The following MEGF10 variants were observed in gnomAD, a reference collection of about 807,000 sequenced individuals.
MEGF10 encodes the protein multiple epidermal growth factor-like domains protein 10.
In MEGF10, 86 loss-of-function variants were observed where a neutral mutation model predicts 147.5. The ratio of observed to expected loss-of-function variants is 0.58; its 90% CI spans 0.49 to 0.70. MEGF10 has a LOEUF of 0.70. MEGF10 is among the 30% of genes least tolerant of loss of function. The pLI is 0.00. For missense variants in MEGF10, 1,329 were observed against 1,487.3 expected, an observed-to-expected ratio of 0.89 and a Z score of 1.75; for synonymous variants, 478 against 525.5, an observed-to-expected ratio of 0.91 and a Z score of 1.24.
chr5:127,299,830 G>A (rs1759691476), intron 1 of MEGF10, among the ~76,000 whole-genome samples: 1 of 151,848 alleles, frequency 6.6e-6, no homozygotes, highest in Non-Finnish European at 1.5e-5. Flanking sequence ...ATGGGTTCTG[G>A]AGAGCCCATT....
Position 127,417,689 on chromosome 5 carries a change from CTACTG to C in MEGF10, c.1185_1189del (p.Tyr395Ter). ...CCTGCAAGCCGGGCTGGTCAGGACT[CTACTG>C]TAATGAGACATGTTCTCCTGGATTC... On this transcript the variant is annotated frameshift_variant, in exon 10 of 25. Transcript: ENST00000503335. LOFTEE classifies it high-confidence loss of function. 1.9e-6 allele frequency: 3 copies of C among 1,614,154 alleles called. No individual in the cohort carries two copies. The highest frequency in any genetic ancestry group is 2.5e-6 in the Non-Finnish European group (3 of 1,180,034).
At chr5:127,438,706 A>C in intron 17 of MEGF10, 139 bp downstream of exon 17, 1 of 823,064 alleles carries the variant, frequency 1.2e-6, no homozygotes, top group Non-Finnish European at 1.8e-6. Flanking sequence ...ACCTGTAGAC[A>C]TATAAATTTC....
chr5:127,437,056 C>G (rs12514969), intron 16 of MEGF10, among the ~76,000 whole-genome samples: 73,255 of 152,018 alleles, frequency 0.48, 20,028 homozygotes, highest in Middle Eastern at 0.66. Flanking sequence ...GGAGAAAAAC[C>G]TAATGGCAGT....
rs924354139 is a variant in MEGF10, at chr5:127,398,893, A to C, written c.780+97A>C. 6.6e-6 allele frequency: 10 copies of C among 1,521,954 alleles called. No individual in the cohort carries two copies. The Admixed American group carries it at 1.9e-4, about 28-fold the overall frequency. 94.3% of individuals were successfully genotyped at this position (1,521,954 alleles called of 1,614,324 possible). ...TGCAGGAGACTTTAGCACAAAGGAA[A>C]GTTACCATGATGGTTGAAGATTCCA... is the stretch of plus-strand genomic sequence containing the variant. On this transcript the variant is annotated intron_variant, in intron 7 of 24. Transcript: ENST00000503335.
the MEGF10 span, among the ~76,000 whole-genome samples, chr5:127,283,934 G>T: frequency 1.3e-5 from 2 of 152,166 alleles, no homozygotes; most frequent in African/African-American, 2.4e-5. Flanking sequence ...ATAAACGGAT[G>T]AATTTGGAAT....
intron 4 of MEGF10, among the ~76,000 whole-genome samples, chr5:127,350,024 G>A (rs1168594487): frequency 6.6e-6 from 1 of 152,106 alleles, no homozygotes; most frequent in East Asian, 1.9e-4. Flanking sequence ...TATAAGATGT[G>A]TGGTCCTTTA....
At chr5:127,244,823 C>T in the MEGF10 span, among the ~76,000 whole-genome samples, 1,197 of 151,960 alleles carry the variant, frequency 7.9e-3, 14 homozygotes, top group African/African-American at 0.027. Context: ...GTATGACTCA[C>T]GTATACTTTT....
At chr5:127,280,923 T>C in the MEGF10 span, among the ~76,000 whole-genome samples, 2 of 152,228 alleles carry the variant, frequency 1.3e-5, no homozygotes, top group African/African-American at 4.8e-5. Context: ...GCCTTGGGCA[T>C]GCGTCTGAGG....
At chr5:127,238,772 C>G in the MEGF10 span, among the ~76,000 whole-genome samples, 1 of 151,374 alleles carries the variant, frequency 6.6e-6, no homozygotes, top group Non-Finnish European at 1.5e-5. Flanking sequence ...TGAATACAAC[C>G]AATAAAGTTT....
chr5:127,396,653 C>T lies in MEGF10; in HGVS notation c.534C>T (p.Cys178=), dbSNP rs577473643. ...CTGCGGGCTTCCGGGGCTGGCGCTG[C>T]GAGGACCGCTGTGAGCAGGGCACCT... ...HCAAGFRGWR[C]EDRCEQGTYG... is the part of the protein sequence containing the mutation. The change falls in exon 6 of 25, where the codon TGC becomes TGT. Residue 178 remains cysteine, a synonymous_variant. Coordinates refer to ENST00000503335, the MANE Select transcript of MEGF10 (RefSeq NM_001256545.2). The T allele has an allele frequency of 3.7e-5, 59 of 1,614,062 alleles. 1 individual carries two copies. In the South Asian group the frequency reaches 5.7e-4, roughly 16 times the overall value.
rs368847636 is a variant in MEGF10, at chr5:127,440,736, C to T, written c.2234-3C>T. On this transcript the variant is annotated splice_polypyrimidine_tract_variant and splice_region_variant and intron_variant, in intron 17 of 24. Coordinates refer to ENST00000503335, the MANE Select transcript of MEGF10 (RefSeq NM_001256545.2). Reference sequence around the variant, plus strand: ...ACTCCTACTGTCCTCCCTCCTCCCACAGGATGTCCTCTAGGGTTTTATGGA... The same window carrying T: ...ACTCCTACTGTCCTCCCTCCTCCCATAGGATGTCCTCTAGGGTTTTATGGA... The T allele has an allele frequency of 3.7e-6, 6 of 1,613,690 alleles. No individual in the cohort carries two copies. Among genetic ancestry groups the T allele is most frequent in the Non-Finnish European group, 5.1e-6 (6 of 1,179,830 alleles).
the MEGF10 span, among the ~76,000 whole-genome samples, chr5:127,251,553 A>C: frequency 6.6e-6 from 1 of 152,106 alleles, no homozygotes; most frequent in Non-Finnish European, 1.5e-5. Flanking sequence ...TAAGTAGGAA[A>C]ATGAATTACT....
chr5:127,412,800 T>C (rs1283120814), intron 9 of MEGF10, among the ~76,000 whole-genome samples: 1 of 152,224 alleles, frequency 6.6e-6, no homozygotes, highest in Admixed American at 6.5e-5. Context: ...TTGGTGGTTC[T>C]TCTGCTGGTC....
chr5:127,383,688 A>T (rs904616603), intron 5 of MEGF10, among the ~76,000 whole-genome samples: 31 of 151,554 alleles, frequency 2.0e-4, no homozygotes, highest in Admixed American at 3.9e-4. Context: ...AGAGCTGGGA[A>T]CCAGGCACAA....
At chr5:127,355,103 C>G (rs903310559) in intron 4 of MEGF10, among the ~76,000 whole-genome samples, 4 of 152,028 alleles carry the variant, frequency 2.6e-5, no homozygotes, top group East Asian at 1.9e-4. Context: ...AGGGAAGATG[C>G]CTTGTTTTGG....
intron 8 of MEGF10, among the ~76,000 whole-genome samples, 161 bp from the exon 9 acceptor site, chr5:127,410,228 T>C (rs1214784218): frequency 6.6e-6 from 1 of 152,274 alleles, no homozygotes; most frequent in Non-Finnish European, 1.5e-5. Flanking sequence ...CAGAGTAATG[T>C]ATCTTAACGC....
intron 13 of MEGF10, chr5:127,424,627 A>G: frequency 8.3e-7 from 1 of 1,209,814 alleles, no homozygotes; most frequent in African/African-American, 1.6e-5. Context: ...CTAGTGTCTG[A>G]GAGCTACCTT....
chr5:127,416,331 G>C (rs890795181), intron 9 of MEGF10, among the ~76,000 whole-genome samples: 2 of 152,102 alleles, frequency 1.3e-5, no homozygotes, highest in African/African-American at 4.8e-5. Flanking sequence ...CCTGGCCCAA[G>C]GGCTCAGTTT....
At position 127,422,581 on chromosome 5, in the gene MEGF10, A is replaced by G. The variant is rs73783791; in HGVS notation, c.1591-89A>G. 1.4e-3 allele frequency: 1,255 copies of G among 929,264 alleles called. 13 individuals are homozygous for G. The African/African-American group carries it at 0.018, about 13-fold the overall frequency. The allele number at this position is 929,264 out of a possible 1,614,324, so 57.6% of individuals were successfully genotyped here. On this transcript the variant is annotated intron_variant, in intron 12 of 24. Coordinates refer to ENST00000503335, the MANE Select transcript of MEGF10 (RefSeq NM_001256545.2). Reference sequence around the variant, plus strand: ...AGCGTTTGGGACAGCAGGGTACTGTATGTGAAATGGCTGACAGTGGCCTTT... The same window carrying G: ...AGCGTTTGGGACAGCAGGGTACTGTGTGTGAAATGGCTGACAGTGGCCTTT...
Sources: allele counts gnomAD v4.1 joint callset (sites outside exome capture counted in the v4.1 genomes callset), GRCh38; gene constraint gnomAD v4.1.1; transcripts MANE v1.5; gene names NCBI Gene and HGNC (gene_info 2026-07-23, HGNC 2026-07-21).